The following ANKS1B variants were observed in gnomAD, a reference collection of about 807,000 sequenced individuals.
The protein encoded by ANKS1B is ankyrin repeat and sterile alpha motif domain containing 1B.
Under a neutral mutation model 148.3 loss-of-function variants are expected in ANKS1B, and 36 were observed. That is an observed-to-expected ratio of 0.24 (90% CI 0.19 to 0.32). ANKS1B has a LOEUF of 0.32. Ranked by LOEUF, ANKS1B falls within the 10% of genes least tolerant of loss-of-function variation. ANKS1B has a pLI of 1.00. For missense variants in ANKS1B, 1,157 were observed against 1,542.6 expected, an observed-to-expected ratio of 0.75 and a Z score of 4.19; for synonymous variants, 542 against 560.8, an observed-to-expected ratio of 0.97 and a Z score of 0.47.
chr12:99,599,471 T>C (rs750445440), intron 9 of ANKS1B, among the ~76,000 whole-genome samples: 12 of 151,972 alleles, frequency 7.9e-5, no homozygotes, highest in Non-Finnish European at 1.5e-4. Context: ...ATGTTTTGAT[T>C]TGCAGCATTA....
chr12:99,332,432 G>A (rs1270744932), intron 12 of ANKS1B, among the ~76,000 whole-genome samples: 1 of 152,022 alleles, frequency 6.6e-6, no homozygotes, highest in Non-Finnish European at 1.5e-5. Context: ...TTTGCTACCA[G>A]TTATTGAACT....
chr12:99,119,532 T>A (rs889165508), intron 15 of ANKS1B, among the ~76,000 whole-genome samples: 1 of 152,222 alleles, frequency 6.6e-6, no homozygotes, highest in Admixed American at 6.5e-5. Context: ...GAACTTTGGT[T>A]CATTCCTTCA....
chr12:99,699,463 G>A (rs1291181994), intron 8 of ANKS1B, among the ~76,000 whole-genome samples: 2 of 151,974 alleles, frequency 1.3e-5, no homozygotes, highest in Non-Finnish European at 2.9e-5. Flanking sequence ...TTTGCCCTTA[G>A]TCCAGCACCT....
At chr12:98,999,161 G>A (rs1262660183) in intron 17 of ANKS1B, among the ~76,000 whole-genome samples, 1 of 152,194 alleles carries the variant, frequency 6.6e-6, no homozygotes, top group Admixed American at 6.5e-5. Flanking sequence ...CCGTGCAACT[G>A]GAGCTTTAAA....
chr12:99,439,112 AATTT>A (rs1047271665), intron 11 of ANKS1B, among the ~76,000 whole-genome samples: 1 of 151,740 alleles, frequency 6.6e-6, no homozygotes, highest in African/African-American at 2.4e-5. Flanking sequence ...AGTAAATAAC[AATTT>A]TTTTCCTTGT....
intron 9 of ANKS1B, among the ~76,000 whole-genome samples, chr12:99,583,766 T>TA (rs1175414715): frequency 1.3e-5 from 2 of 152,204 alleles, no homozygotes; most frequent in African/African-American, 4.8e-5. Flanking sequence ...TACAACACTA[T>TA]ATTCCATATG....
chr12:99,590,242 T>TCACACC (rs1198517640), intron 9 of ANKS1B, among the ~76,000 whole-genome samples: 1 of 132,864 alleles, frequency 7.5e-6, no homozygotes, highest in East Asian at 2.3e-4. Context: ...AAACATTCAC[T>TCACACC]CACACCCACA....
intron 17 of ANKS1B, among the ~76,000 whole-genome samples, chr12:98,935,052 C>T (rs1435402082): frequency 6.6e-6 from 1 of 151,990 alleles, no homozygotes; most frequent in Admixed American, 6.6e-5. Context: ...TGCCTTGACT[C>T]TAATCTTAGA....
intron 1 of ANKS1B, among the ~76,000 whole-genome samples, chr12:99,905,686 A>T (rs552883017): frequency 3.9e-5 from 6 of 152,300 alleles, no homozygotes; most frequent in African/African-American, 1.4e-4. Context: ...AGGCCTCTCA[A>T]TCTGGCATGC....
At chr12:99,256,852 AGT>A (rs2075313838) in intron 12 of ANKS1B, among the ~76,000 whole-genome samples, 1 of 152,148 alleles carries the variant, frequency 6.6e-6, no homozygotes, top group Non-Finnish European at 1.5e-5. Context: ...CTTGGAATAC[AGT>A]GTGCTTTCTG....
In ANKS1B at chr12:99,874,022, CAT is replaced by C. The variant is rs150860727; in HGVS notation, c.135-48635_135-48634del. On this transcript the variant is annotated intron_variant, in intron 1 of 26. Transcript: ENST00000683438. Reference sequence around the variant, plus strand: ...TAAATCTCTCTCTCTCTCTCTCTCACATATATATATATATATATCCTGTTGGT... The same window carrying C: ...TAAATCTCTCTCTCTCTCTCTCTCACATATATATATATATATCCTGTTGGT... 1.0e-3 allele frequency among the ~76,000 whole-genome samples: 137 copies of C among 136,948 alleles called. No individual in the cohort carries two copies. In the Middle Eastern group the frequency reaches 0.011, roughly 11 times the overall value. The allele number at this position is 136,948 out of a possible 152,430, so 89.8% of individuals were successfully genotyped here.
Position 98,775,310 on chromosome 12 carries a change from T to C in ANKS1B, c.3442-2131A>G, listed in dbSNP as rs148822843. Among the ~76,000 whole-genome samples, 533 of 152,304 alleles carry C rather than the reference T, an allele frequency of 3.5e-3. 2 individuals carry two copies. Among genetic ancestry groups the C allele is most frequent in the African/African-American group, 0.012 (493 of 41,566 alleles). ...ATCTTGCCAACTCATGGGATGCCAC[T>C]CTTGACAATTTCCAATGGTGCACGG... On this transcript the variant is annotated intron_variant, in intron 24 of 26. Coordinates refer to ENST00000683438, the MANE Select transcript of ANKS1B (RefSeq NM_001352186.2).
chr12:99,193,502 T>C (rs1283534329), intron 14 of ANKS1B, among the ~76,000 whole-genome samples: 1 of 152,190 alleles, frequency 6.6e-6, no homozygotes, highest in African/African-American at 2.4e-5. Flanking sequence ...AGTATAAAAA[T>C]ACAATTTTTT....
chr12:99,137,350 GGCCAA>G (rs2068478518), intron 15 of ANKS1B, among the ~76,000 whole-genome samples: 1 of 152,034 alleles, frequency 6.6e-6, no homozygotes, highest in African/African-American at 2.4e-5. Flanking sequence ...TACAACCAGG[GGCCAA>G]CGATTACCCA....
At chr12:99,334,654 T>G (rs1412618554) in intron 12 of ANKS1B, among the ~76,000 whole-genome samples, 1 of 152,034 alleles carries the variant, frequency 6.6e-6, no homozygotes, top group African/African-American at 2.4e-5. Flanking sequence ...TAGAGAGTGA[T>G]TTTTTTCCTA....
chr12:99,865,885 G>C lies in ANKS1B; in HGVS notation c.135-40496C>G, dbSNP rs117411306. Among the ~76,000 whole-genome samples, 211 of 151,944 alleles carry C rather than the reference G, an allele frequency of 1.4e-3. 4 individuals carry two copies. In the East Asian group the frequency reaches 0.038, roughly 28 times the overall value. ...GCAACAGCATCCTTATTTCATTTTA[G>C]AGAATTCCCTCCTCTCTATTGTATC... On this transcript the variant is annotated intron_variant, in intron 1 of 26. Coordinates refer to ENST00000683438, the MANE Select transcript of ANKS1B (RefSeq NM_001352186.2).
At chr12:99,523,271 T>A (rs1051113650) in intron 9 of ANKS1B, among the ~76,000 whole-genome samples, 1 of 152,090 alleles carries the variant, frequency 6.6e-6, no homozygotes, top group African/African-American at 2.4e-5. Flanking sequence ...AAATGGTGAG[T>A]ATTAAACCCC....
chr12:98,774,652 A>G (rs1046146943), intron 24 of ANKS1B, among the ~76,000 whole-genome samples: 1 of 152,118 alleles, frequency 6.6e-6, no homozygotes, highest in Admixed American at 6.5e-5. Flanking sequence ...GTCTTAAATA[A>G]CCTGTTGGCA....
At chr12:99,909,900 A>G (rs532448794) in intron 1 of ANKS1B, among the ~76,000 whole-genome samples, 45 of 152,198 alleles carry the variant, frequency 3.0e-4, no homozygotes, top group African/African-American at 9.9e-4. Context: ...TTTCTCCTGG[A>G]AGATGATTTA....
Sources: allele counts gnomAD v4.1 joint callset (sites outside exome capture counted in the v4.1 genomes callset), GRCh38; gene constraint gnomAD v4.1.1; transcripts MANE v1.5; gene names NCBI Gene and HGNC (gene_info 2026-07-23, HGNC 2026-07-21).